Variants in LRRC1 observed in about 807,000 individuals in gnomAD.
LRRC1 encodes the protein leucine rich repeat containing 1, also known as leucine-rich repeat-containing protein 1.
In LRRC1, 28 loss-of-function variants were observed where a neutral mutation model predicts 69.9. The observed-to-expected ratio is 0.40, with a 90% CI of 0.30 to 0.55. The LOEUF (loss-of-function observed/expected upper bound fraction) is 0.55, where lower values mean the gene tolerates loss of function less well. Among genes scored for constraint, LRRC1 ranks in the 20% least tolerant of loss-of-function variants. LRRC1 has a pLI of 0.47. For synonymous variants in LRRC1, 236 were observed against 240.2 expected, an observed-to-expected ratio of 0.98 and a Z score of 0.16; for missense variants, 498 against 609.0, an observed-to-expected ratio of 0.82 and a Z score of 1.92.
Position 53,816,196 on chromosome 6 carries a change from A to C in LRRC1, c.159+20781A>C, listed in dbSNP as rs2127407243. Among the ~76,000 whole-genome samples the C allele has an allele frequency of 2.0e-5, 3 of 152,288 alleles. No individual in the cohort carries two copies. The South Asian group carries it at 6.2e-4, about 32-fold the overall frequency. On this transcript the variant is annotated intron_variant, in intron 1 of 13. Coordinates refer to ENST00000370888, the MANE Select transcript of LRRC1 (RefSeq NM_018214.5). ...AAATACTTTTGACACTGGGCTATTTATTAGGTATTTTTAGTTTATAAATTA... is the reference window on the plus strand; with the variant it reads ...AAATACTTTTGACACTGGGCTATTTCTTAGGTATTTTTAGTTTATAAATTA...
intron 4 of LRRC1, among the ~76,000 whole-genome samples, chr6:53,894,934 T>TC (rs1415023791): frequency 6.6e-6 from 1 of 151,658 alleles, no homozygotes; most frequent in Non-Finnish European, 1.5e-5. Context: ...AGTTTTTTTT[T>TC]CTTTTTTTTT....
intron 2 of LRRC1, among the ~76,000 whole-genome samples, chr6:53,843,901 A>G (rs1765861649): frequency 6.6e-6 from 1 of 152,112 alleles, no homozygotes; most frequent in South Asian, 2.1e-4. Flanking sequence ...TTTGCCAGTG[A>G]AGGATTTCTC....
chr6:53,847,032 C>G (rs1255065201), intron 2 of LRRC1, among the ~76,000 whole-genome samples: 1 of 152,086 alleles, frequency 6.6e-6, no homozygotes. Flanking sequence ...TCAGTTTTCC[C>G]CGAAGTGTAA....
At chr6:53,799,201 A>T (rs1764394525) in intron 1 of LRRC1, among the ~76,000 whole-genome samples, 1 of 152,244 alleles carries the variant, frequency 6.6e-6, no homozygotes. Flanking sequence ...GCATTATCTC[A>T]AATGCCTGCC....
At chr6:53,896,131 G>A (rs1344941056) in intron 4 of LRRC1, among the ~76,000 whole-genome samples, 2 of 152,154 alleles carry the variant, frequency 1.3e-5, no homozygotes, top group Non-Finnish European at 2.9e-5. Flanking sequence ...CTGCATTTTT[G>A]GCATTTGAAA....
chr6:53,828,577 C>CA (rs1379865850), intron 1 of LRRC1, among the ~76,000 whole-genome samples: 1 of 152,226 alleles, frequency 6.6e-6, no homozygotes, highest in African/African-American at 2.4e-5. Flanking sequence ...GAACTCCTTC[C>CA]ATTCCTTTCA....
At chr6:53,909,824 C>G (rs1768355449) in intron 10 of LRRC1, among the ~76,000 whole-genome samples, 1 of 151,966 alleles carries the variant, frequency 6.6e-6, no homozygotes. Context: ...GTACACTTTT[C>G]TTTTTTTGCC....
At position 53,795,051 on chromosome 6, in the gene LRRC1, G is replaced by T; in HGVS notation, c.-206G>T. ...GGAGTGGAGGCACCGGCTGGCGGGC[G>T]GGGGTACAGGGACGGGGCAGGGGCT... On this transcript the variant is annotated 5_prime_UTR_variant, in exon 1 of 14. Transcript: ENST00000370888. The T allele has an allele frequency of 2.4e-6, 1 of 415,828 alleles. No homozygotes were observed. Among genetic ancestry groups the T allele is most frequent in the Non-Finnish European group, 4.2e-6 (1 of 236,302 alleles). The allele number at this position is 415,828 out of a possible 1,614,324, so 25.8% of individuals were successfully genotyped here. A position where few individuals can be genotyped will look rare whatever the true frequency, so the allele number is the denominator to read the frequency against.
intron 12 of LRRC1, 87 bp downstream of exon 12, chr6:53,919,757 G>C: frequency 1.6e-6 from 2 of 1,240,368 alleles, no homozygotes; most frequent in Non-Finnish European, 2.3e-6. Context: ...ACTCCCTCAT[G>C]TGATTGTGTT....
intron 1 of LRRC1, among the ~76,000 whole-genome samples, chr6:53,833,652 G>C (rs2127413327): frequency 6.6e-6 from 1 of 152,234 alleles, no homozygotes; most frequent in African/African-American, 2.4e-5. Flanking sequence ...ATAAAGAAAA[G>C]GGTACTTGTG....
intron 1 of LRRC1, among the ~76,000 whole-genome samples, chr6:53,824,766 A>G (rs564277494): frequency 6.1e-4 from 93 of 152,190 alleles, no homozygotes; most frequent in Non-Finnish European, 1.1e-3. Context: ...GAAGAGGGGA[A>G]TGTGCATGGA....
At chr6:53,862,588 A>G (rs544659656) in intron 2 of LRRC1, among the ~76,000 whole-genome samples, 1 of 152,200 alleles carries the variant, frequency 6.6e-6, no homozygotes, top group Non-Finnish European at 1.5e-5. Flanking sequence ...GATTAGGAAA[A>G]ATTTCTGCCA....
intron 12 of LRRC1, 27 bp from the exon 13 acceptor site, chr6:53,920,598 C>G (rs749775254): frequency 1.7e-5 from 27 of 1,614,064 alleles, no homozygotes; most frequent in Non-Finnish European, 2.3e-5. Context: ...ACGCAATTCC[C>G]TGCTTATGTG....
chr6:53,913,820 C>G (rs1166122562), intron 10 of LRRC1, 34 bp from the exon 11 acceptor site: 3 of 1,472,558 alleles, frequency 2.0e-6, no homozygotes, highest in Admixed American at 3.4e-5. Context: ...CCCTAGAAAA[C>G]TGGAAAAAAG....
intron 1 of LRRC1, among the ~76,000 whole-genome samples, chr6:53,801,129 T>A (rs1007094387): frequency 6.6e-6 from 1 of 152,334 alleles, no homozygotes; most frequent in African/African-American, 2.4e-5. Flanking sequence ...GGAAGTTGTA[T>A]GAACAAAGGT....
In LRRC1 at chr6:53,913,976, C is replaced by G; in HGVS notation, c.1106+7C>G. 6.3e-7 allele frequency: 1 copy of G among 1,596,998 alleles called. No homozygotes were observed. The highest frequency in any genetic ancestry group is 8.6e-7 in the Non-Finnish European group (1 of 1,166,198). ...TGGATGTGGCAGGGAACAGGTAAGCCTGTTGTAGTTTGCTTTGCTTGAGGG... is the reference window on the plus strand; with the variant it reads ...TGGATGTGGCAGGGAACAGGTAAGCGTGTTGTAGTTTGCTTTGCTTGAGGG... On this transcript the variant is annotated splice_region_variant and intron_variant, in intron 11 of 13. Coordinates refer to ENST00000370888, the MANE Select transcript of LRRC1 (RefSeq NM_018214.5).
intron 1 of LRRC1, among the ~76,000 whole-genome samples, chr6:53,812,992 G>A (rs1022058697): frequency 6.6e-6 from 1 of 152,060 alleles, no homozygotes; most frequent in Non-Finnish European, 1.5e-5. Context: ...GGTGGATTGT[G>A]GGTGCTGGTT....
chr6:53,869,129 G>A (rs530068801), intron 2 of LRRC1, among the ~76,000 whole-genome samples: 3 of 152,184 alleles, frequency 2.0e-5, no homozygotes, highest in Admixed American at 6.5e-5. Flanking sequence ...ATTTGATGGA[G>A]GACAAATTGA....
chr6:53,893,654 A>G (rs1050680878), intron 4 of LRRC1, among the ~76,000 whole-genome samples: 2 of 152,116 alleles, frequency 1.3e-5, no homozygotes, highest in African/African-American at 2.4e-5. Flanking sequence ...TGAAACACTA[A>G]CAGTTCCAAG....
Sources: allele counts gnomAD v4.1 joint callset (sites outside exome capture counted in the v4.1 genomes callset), GRCh38; gene constraint gnomAD v4.1.1; transcripts MANE v1.5; gene names NCBI Gene and HGNC (gene_info 2026-07-23, HGNC 2026-07-21).